Variants in FER observed in about 807,000 individuals in gnomAD.
The protein encoded by FER is FER tyrosine kinase.
FER carries 63 observed loss-of-function variants against 111.0 expected under a neutral mutation model. The observed-to-expected ratio is 0.57, with a 90% CI of 0.46 to 0.70. The LOEUF is 0.70. FER is among the 30% of genes least tolerant of loss of function. The pLI, the probability that FER is intolerant of heterozygous loss-of-function variation, is 0.00. For missense variants in FER, 914 were observed against 954.0 expected, an observed-to-expected ratio of 0.96 and a Z score of 0.55; for synonymous variants, 327 against 313.9, an observed-to-expected ratio of 1.04 and a Z score of -0.44.
At chr5:108,924,114 T>C (rs574554404) in intron 10 of FER, among the ~76,000 whole-genome samples, 3 of 152,080 alleles carry the variant, frequency 2.0e-5, no homozygotes, top group African/African-American at 7.2e-5. Context: ...CCCAGCACTT[T>C]GGGAGGCCGA....
At chr5:109,095,020 T>C (rs1344808227) in intron 16 of FER, among the ~76,000 whole-genome samples, 1 of 152,174 alleles carries the variant, frequency 6.6e-6, no homozygotes, top group South Asian at 2.1e-4. Context: ...TGTACTCTTT[T>C]ATTTTACAGA....
intron 13 of FER, among the ~76,000 whole-genome samples, chr5:108,962,903 A>G (rs1413486729): frequency 6.6e-6 from 1 of 152,218 alleles, no homozygotes; most frequent in African/African-American, 2.4e-5. Flanking sequence ...ATATTTTTCC[A>G]GATTGTAGAG....
intron 17 of FER, among the ~76,000 whole-genome samples, chr5:109,164,754 A>T (rs4130644): frequency 0.38 from 57,158 of 151,986 alleles, 10,983 homozygotes; most frequent in Non-Finnish European, 0.4. Context: ...AGCATATACT[A>T]AACAGTCTTG....
At chr5:109,031,161 A>G (rs1018615211) in intron 13 of FER, among the ~76,000 whole-genome samples, 1 of 151,972 alleles carries the variant, frequency 6.6e-6, no homozygotes, top group Non-Finnish European at 1.5e-5. Flanking sequence ...CAGGGGAGGA[A>G]TAGGCCTAAC....
At chr5:108,898,099 G>A (rs1749414750) in intron 10 of FER, among the ~76,000 whole-genome samples, 1 of 152,118 alleles carries the variant, frequency 6.6e-6, no homozygotes, top group Non-Finnish European at 1.5e-5. Flanking sequence ...AGGAAAGACT[G>A]CAGTTGTTTT....
chr5:108,823,292 A>G (rs1005140305), intron 3 of FER, among the ~76,000 whole-genome samples: 3 of 152,244 alleles, frequency 2.0e-5, no homozygotes, highest in African/African-American at 7.2e-5. Flanking sequence ...TTCTTTGGCT[A>G]TGTAACCAGA....
intron 13 of FER, among the ~76,000 whole-genome samples, chr5:108,961,087 C>CTAAA (rs34113486): frequency 0.055 from 8,353 of 152,016 alleles, 295 homozygotes; most frequent in South Asian, 0.11. Flanking sequence ...GACCCTGTCT[C>CTAAA]TAAATAAAGT....
At chr5:108,926,059 T>G (rs746271142) in intron 10 of FER, among the ~76,000 whole-genome samples, 2 of 142,290 alleles carry the variant, frequency 1.4e-5, no homozygotes, top group Non-Finnish European at 3.1e-5. Context: ...TGATCCTTCT[T>G]TAATATTTTT....
intron 13 of FER, among the ~76,000 whole-genome samples, chr5:109,016,547 C>G (rs1166530710): frequency 6.6e-6 from 1 of 151,958 alleles, no homozygotes; most frequent in Non-Finnish European, 1.5e-5. Flanking sequence ...TTTTGTGTCT[C>G]TGATGATATC....
At chr5:108,845,192 C>T (rs1662675895) in intron 5 of FER, among the ~76,000 whole-genome samples, 1 of 147,902 alleles carries the variant, frequency 6.8e-6, no homozygotes, top group East Asian at 2.0e-4. Flanking sequence ...GTTTTTTTTA[C>T]ATGGTGTCTT....
At chr5:108,948,192 C>T (rs760723020) in intron 11 of FER, among the ~76,000 whole-genome samples, 1 of 151,910 alleles carries the variant, frequency 6.6e-6, no homozygotes, top group Non-Finnish European at 1.5e-5. Flanking sequence ...CGTGACATAA[C>T]GATTTACCTC....
chr5:109,129,912 A>G (rs1357317779), intron 17 of FER, among the ~76,000 whole-genome samples: 1 of 152,094 alleles, frequency 6.6e-6, no homozygotes, highest in Non-Finnish European at 1.5e-5. Flanking sequence ...TACATCTCAC[A>G]TATATGAGAT....
At chr5:108,932,785 C>CTT (rs369180607) in intron 10 of FER, among the ~76,000 whole-genome samples, 1 of 149,640 alleles carries the variant, frequency 6.7e-6, no homozygotes, top group East Asian at 1.9e-4. Context: ...TGATGATGAG[C>CTT]TTTTTTTTGT....
At chr5:108,931,070 C>T (rs1754600535) in intron 10 of FER, among the ~76,000 whole-genome samples, 1 of 152,148 alleles carries the variant, frequency 6.6e-6, no homozygotes, top group African/African-American at 2.4e-5. Context: ...TATTTAACCA[C>T]TCTAGGCTTT....
At chr5:108,870,406 T>C (rs1478553878) in intron 6 of FER, among the ~76,000 whole-genome samples, 1 of 151,994 alleles carries the variant, frequency 6.6e-6, no homozygotes, top group Non-Finnish European at 1.5e-5. Flanking sequence ...CTTTTACTTA[T>C]GAGATTATAA....
At chr5:108,953,969 G>A (rs1053588283) in intron 11 of FER, among the ~76,000 whole-genome samples, 6 of 152,006 alleles carry the variant, frequency 3.9e-5, no homozygotes, top group African/African-American at 1.4e-4. Context: ...CACATTTCAA[G>A]GAAATACAAT....
At chr5:109,029,425 C>CTTTTTTTTTTTTTT (rs757282669) in intron 13 of FER, among the ~76,000 whole-genome samples, 2 of 52,212 alleles carry the variant, frequency 3.8e-5, no homozygotes, top group African/African-American at 1.7e-4. Flanking sequence ...ATTCATTGTT[C>CTTTTTTTTTTTTTT]TTTTTTTTTT....
At chr5:108,818,265 A>C (rs1580706041) in intron 3 of FER, 1 of 151,978 alleles carries the variant, frequency 6.6e-6, no homozygotes, top group Non-Finnish European at 1.5e-5. Flanking sequence ...CCATCTCTAC[A>C]AAAAATACAA....
At position 109,174,916 on chromosome 5, in the gene FER, C is replaced by T. The variant is rs114161536; in HGVS notation, c.2049-5831C>T. On this transcript the variant is annotated intron_variant, in intron 17 of 19. Coordinates refer to ENST00000281092, the MANE Select transcript of FER (RefSeq NM_005246.4). Reference sequence around the variant, plus strand: ...CTGGGATTCAATTTCTGCTTTCCTCCGCTTACGGGCTTTGTGACCTTGGGC... The same window carrying T: ...CTGGGATTCAATTTCTGCTTTCCTCTGCTTACGGGCTTTGTGACCTTGGGC... Among the ~76,000 whole-genome samples the T allele has an allele frequency of 3.5e-3, 526 of 152,262 alleles. 4 individuals carry two copies. Among genetic ancestry groups the T allele is most frequent in the African/African-American group, 0.012 (485 of 41,560 alleles).
Sources: gnomAD v4.1 joint callset for allele counts (sites outside exome capture counted in the v4.1 genomes callset) on GRCh38, gnomAD v4.1.1 for gene constraint, MANE v1.5 for transcripts, NCBI Gene and HGNC (gene_info 2026-07-23, HGNC 2026-07-21) for gene names.